MMP16: variants seen among roughly 807,000 people sequenced by gnomAD.
The protein encoded by MMP16 is matrix metallopeptidase 16, also known as matrix metalloproteinase-16.
A neutral mutation model predicts 67.8 loss-of-function variants in MMP16; 12 were observed. The ratio of observed to expected loss-of-function variants is 0.18; its 90% CI spans 0.11 to 0.29. The LOEUF (loss-of-function observed/expected upper bound fraction) is 0.29, where lower values mean the gene tolerates loss of function less well. MMP16 is among the 10% of genes least tolerant of loss of function. The pLI is 1.00. For synonymous variants in MMP16, 249 were observed against 255.9 expected (o/e 0.97, Z 0.26); for missense variants, 475 against 765.7 (o/e 0.62, Z 4.48).
At chr8:88,051,267 C>G (rs1808266645) in intron 8 of MMP16, among the ~76,000 whole-genome samples, 1 of 152,150 alleles carries the variant, frequency 6.6e-6, no homozygotes, top group South Asian at 2.1e-4. Flanking sequence ...GTTCTTCCCC[C>G]TGAAAAATAA....
chr8:88,291,995 G>T (rs948978770), intron 1 of MMP16, among the ~76,000 whole-genome samples: 8 of 152,030 alleles, frequency 5.3e-5, no homozygotes, highest in African/African-American at 1.9e-4. Context: ...TTTCCCTAAG[G>T]TTCTACGTAA....
Position 88,166,791 on chromosome 8 carries a change from A to G in MMP16, c.709+878T>C, listed in dbSNP as rs146716000. The stretch of plus-strand genomic sequence containing the variant: ...GTTTAAAAAACAGACCCAGGCTGGT[A>G]TTGAACTCCTGAGCTCAAGGGATCC... On this transcript the variant is annotated intron_variant, in intron 4 of 9. Transcript: ENST00000286614. Among the ~76,000 whole-genome samples the G allele has an allele frequency of 7.6e-4, 112 of 147,604 alleles. 1 individual carries two copies. Among genetic ancestry groups the G allele is most frequent in the African/African-American group, 2.3e-3 (93 of 40,328 alleles).
chr8:88,261,137 T>C (rs1563576644), intron 1 of MMP16, among the ~76,000 whole-genome samples: 1 of 152,168 alleles, frequency 6.6e-6, no homozygotes, highest in Non-Finnish European at 1.5e-5. Flanking sequence ...CCTAGCTTTA[T>C]CATGCAGACA....
rs1811549286 is a variant in MMP16, at chr8:88,326,989, G to A, written c.132+86C>T. ...AACGTGCTGGGACCCAGGCTGCTCT[G>A]AGCTACAAGGATCCCAGGAGTGAAG... On this transcript the variant is annotated intron_variant, in intron 1 of 9. Coordinates refer to ENST00000286614, the MANE Select transcript of MMP16 (RefSeq NM_005941.5). 6 of 1,566,432 alleles carry A rather than the reference G, an allele frequency of 3.8e-6. No individual in the cohort carries two copies. In the South Asian group the frequency reaches 6.8e-5, roughly 18 times the overall value.
At chr8:88,106,027 C>T (rs1010003220) in intron 6 of MMP16, among the ~76,000 whole-genome samples, 15 of 140,142 alleles carry the variant, frequency 1.1e-4, no homozygotes, top group Non-Finnish European at 1.9e-4. Flanking sequence ...CATATATATA[C>T]GTGTATATAT....
At chr8:88,047,276 T>C (rs1808211285) in intron 8 of MMP16, among the ~76,000 whole-genome samples, 1 of 152,212 alleles carries the variant, frequency 6.6e-6, no homozygotes, top group Admixed American at 6.5e-5. Flanking sequence ...ATTATGTTCC[T>C]GGCGTTATTA....
intron 4 of MMP16, among the ~76,000 whole-genome samples, chr8:88,140,384 C>A (rs568773364): frequency 3.9e-5 from 6 of 152,136 alleles, no homozygotes; most frequent in Non-Finnish European, 7.4e-5. Context: ...TCAGAAGTCA[C>A]GTAGCATCAC....
intron 1 of MMP16, among the ~76,000 whole-genome samples, chr8:88,215,617 C>T (rs948167930): frequency 1.3e-5 from 2 of 152,120 alleles, no homozygotes. Flanking sequence ...CAGTTAATTA[C>T]CTTTCCATGA....
At chr8:88,225,538 A>G (rs1809755657) in intron 1 of MMP16, among the ~76,000 whole-genome samples, 1 of 151,908 alleles carries the variant, frequency 6.6e-6, no homozygotes, top group Non-Finnish European at 1.5e-5. Flanking sequence ...TTATTCATTG[A>G]ATAAAAAATA....
rs1396424281 is a variant in MMP16, at chr8:88,147,756, T to C, written c.709+19913A>G. ...GAAAAATCCTCTCTTTGGTCCACAGTAGTTACTATAAAATATGTGTTTGTG... is the reference window on the plus strand; with the variant it reads ...GAAAAATCCTCTCTTTGGTCCACAGCAGTTACTATAAAATATGTGTTTGTG... On this transcript the variant is annotated intron_variant, in intron 4 of 9. Transcript: ENST00000286614. Among the ~76,000 whole-genome samples the C allele has an allele frequency of 3.3e-5, 5 of 150,184 alleles. No homozygotes were observed. The Admixed American group carries it at 3.4e-4, about 10-fold the overall frequency.
chr8:88,326,791 T>G, intron 1 of MMP16: 1 of 299,802 alleles, frequency 3.3e-6, no homozygotes, highest in Non-Finnish European at 6.4e-6. Flanking sequence ...ACGGTTGCTA[T>G]ATGTAGGACT....
chr8:88,140,162 C>A (rs1481898761), intron 4 of MMP16, among the ~76,000 whole-genome samples: 1 of 152,076 alleles, frequency 6.6e-6, no homozygotes, highest in African/African-American at 2.4e-5. Context: ...AAGTGGCTCA[C>A]TCACAGAACT....
intron 4 of MMP16, among the ~76,000 whole-genome samples, chr8:88,126,625 AT>A (rs952709353): frequency 6.6e-6 from 1 of 151,900 alleles, no homozygotes; most frequent in African/African-American, 2.4e-5. Context: ...AACTAACATG[AT>A]TGTGGTAATC....
At chr8:88,121,486 A>G (rs1282453080) in intron 4 of MMP16, among the ~76,000 whole-genome samples, 1 of 152,066 alleles carries the variant, frequency 6.6e-6, no homozygotes, top group African/African-American at 2.4e-5. Context: ...CACTAGGAAC[A>G]AAAGTTGTTG....
At chr8:88,106,895 G>A (rs923000600) in intron 6 of MMP16, among the ~76,000 whole-genome samples, 1 of 151,040 alleles carries the variant, frequency 6.6e-6, no homozygotes, top group South Asian at 2.1e-4. Flanking sequence ...ATGTAGAAAT[G>A]TCTATATTAA....
chr8:88,182,631 T>C (rs1808999692), intron 3 of MMP16, among the ~76,000 whole-genome samples: 2 of 152,156 alleles, frequency 1.3e-5, no homozygotes, highest in South Asian at 2.1e-4. Flanking sequence ...GGCATAACCA[T>C]GTCAGAAGAC....
chr8:88,268,449 A>G (rs545420812), intron 1 of MMP16, among the ~76,000 whole-genome samples: 110 of 152,368 alleles, frequency 7.2e-4, no homozygotes, highest in Non-Finnish European at 1.2e-3. Context: ...GAAGACAAGA[A>G]GAAGCTTCAA....
In MMP16 at chr8:88,327,188, T is replaced by G; in HGVS notation, c.19A>C (p.Ser7Arg). Residue 7 changes from serine to arginine, a missense_variant, in exon 1 of 10, where the codon AGC becomes CGC. By Grantham distance (110) the Ser-to-Arg change is moderately radical. This residue lies in a region of MMP16 where 170 missense variants were observed against 239.6 expected (regional missense o/e 0.71). Transcript: ENST00000286614. ...ACGAAATCCAACCGTCTTCCAGTGC[T>G]GAATGTGAGTAAGATCATAGTGAAC... MILLTF[S>R]TGRRLDFVHH... is the part of the protein sequence containing the mutation. 6.2e-7 allele frequency: 1 copy of G among 1,613,990 alleles called. No homozygotes were observed. Among genetic ancestry groups the G allele is most frequent in the South Asian group, 1.1e-5 (1 of 91,068 alleles).
intron 1 of MMP16, among the ~76,000 whole-genome samples, chr8:88,237,813 G>A (rs1029395210): frequency 5.3e-5 from 8 of 152,198 alleles, no homozygotes; most frequent in African/African-American, 1.9e-4. Flanking sequence ...TACCATGGCA[G>A]CATGGTAACC....
Sources: allele counts gnomAD v4.1 joint callset (sites outside exome capture counted in the v4.1 genomes callset), GRCh38; gene constraint gnomAD v4.1.1; regional missense constraint gnomAD v4.1.1; transcripts MANE v1.5; gene names NCBI Gene and HGNC (gene_info 2026-07-23, HGNC 2026-07-21).